The following ARID1A variants were observed in gnomAD, a reference collection of about 807,000 sequenced individuals.
ARID1A encodes the protein AT-rich interaction domain 1A, also known as AT-rich interactive domain-containing protein 1A.
Under a neutral mutation model 212.6 loss-of-function variants are expected in ARID1A, and 20 were observed. The ratio of observed to expected loss-of-function variants is 0.09; its 90% CI spans 0.07 to 0.14. The LOEUF is 0.14. Ranked by LOEUF, ARID1A falls within the 10% of genes least tolerant of loss-of-function variation. The pLI is 1.00. For missense variants in ARID1A, 2,587 were observed against 3,059.0 expected, an observed-to-expected ratio of 0.85 and a Z score of 3.64; for synonymous variants, 1,376 against 1,222.1, an observed-to-expected ratio of 1.13 and a Z score of -2.63.
Position 26,735,168 on chromosome 1 carries a change from C to A in ARID1A, c.1920+2376C>A, listed in dbSNP as rs146331999. Among the ~76,000 whole-genome samples the A allele has an allele frequency of 7.9e-3, 1,193 of 150,740 alleles. 13 individuals carry two copies. The highest frequency in any genetic ancestry group is 0.012 in the Non-Finnish European group (828 of 67,786). On this transcript the variant is annotated intron_variant, in intron 4 of 19. Coordinates refer to ENST00000324856, the MANE Select transcript of ARID1A (RefSeq NM_006015.6). ...GAGAGAGTTTCACACTCTTGTTGCCCAGGCTGGAGTGCAATGGCACGATCT... is the reference window on the plus strand; with the variant it reads ...GAGAGAGTTTCACACTCTTGTTGCCAAGGCTGGAGTGCAATGGCACGATCT...
chr1:26,739,744 G>C (rs1438014051), intron 4 of ARID1A, among the ~76,000 whole-genome samples: 2 of 152,150 alleles, frequency 1.3e-5, no homozygotes, highest in African/African-American at 4.8e-5. Flanking sequence ...GCTCTATGGT[G>C]CTCATCACTG....
At chr1:26,742,025 T>G (rs565287330) in intron 4 of ARID1A, among the ~76,000 whole-genome samples, 47 of 152,272 alleles carry the variant, frequency 3.1e-4, no homozygotes, top group African/African-American at 9.9e-4. Flanking sequence ...CCCACTCCTG[T>G]TTTACATATG....
chr1:26,760,710 A>G (rs2124052470), intron 4 of ARID1A, 146 bp from the exon 5 acceptor site: 1 of 849,516 alleles, frequency 1.2e-6, no homozygotes, highest in Non-Finnish European at 1.6e-6. Flanking sequence ...TTTTTTTTTA[A>G]TAAAAATAGT....
chr1:26,697,010 C>T lies in ARID1A; in HGVS notation c.607C>T (p.His203Tyr), dbSNP rs1251950978. Residue 203 changes from histidine (H) to tyrosine (Y), a missense_variant, in exon 1 of 20, where the codon CAC becomes TAC. Coordinates refer to ENST00000324856, the MANE Select transcript of ARID1A (RefSeq NM_006015.6). Reference protein sequence around the residue: ...EPYAGPQQNSHDHGFPNHQYN... With the variant: ...EPYAGPQQNSYDHGFPNHQYN... ...CTACGCGGGGCCCCAGCAGAACTCTCACGACCACGGCTTCCCCAACCACCA... is the reference window on the plus strand; with the variant it reads ...CTACGCGGGGCCCCAGCAGAACTCTTACGACCACGGCTTCCCCAACCACCA... 3.3e-6 allele frequency: 5 copies of T among 1,532,580 alleles called. No homozygotes were observed. Among genetic ancestry groups the T allele is most frequent in the Non-Finnish European group, 3.5e-6 (4 of 1,143,520 alleles). 94.9% of individuals were successfully genotyped at this position (1,532,580 alleles called of 1,614,324 possible).
intron 12 of ARID1A, 112 bp from the exon 13 acceptor site, chr1:26,772,388 A>C: frequency 2.7e-6 from 4 of 1,481,980 alleles, no homozygotes; most frequent in Non-Finnish European, 3.7e-6. Context: ...ATCAGGCTTT[A>C]AAGGCCTTAG....
rs764212710 is a variant in ARID1A, at chr1:26,774,838, G to T, written c.4611G>T (p.Gln1537His). 5 of 1,611,040 alleles carry T rather than the reference G, an allele frequency of 3.1e-6. No individual in the cohort carries two copies. In the African/African-American group the frequency reaches 5.3e-5, roughly 17 times the overall value. ...CAGATGAAATGCTGCACACAGATCA[G>T]AGGGCCAACCACGAAGGCTCGTGGC... ...NRTDEMLHTD[Q>H]RANHEGSWPS... Residue 1537 changes from glutamine (Q) to histidine (H), a missense_variant, in exon 18 of 20, where the codon CAG becomes CAT. Around this residue, in one of 11 missense-constraint regions of ARID1A, gnomAD observed 890 missense variants for 1,098.2 expected, o/e 0.81. Coordinates refer to ENST00000324856, the MANE Select transcript of ARID1A (RefSeq NM_006015.6). This position sits in a 1 kb window ranked among gnomAD's most constrained non-coding sequence, Gnocchi z 5.6.
intron 1 of ARID1A, among the ~76,000 whole-genome samples, chr1:26,718,453 AC>A (rs2080525650): frequency 6.6e-6 from 1 of 151,682 alleles, no homozygotes; most frequent in South Asian, 2.1e-4. Context: ...ATCTTCCAAG[AC>A]CCCCAGTGGG....
At chr1:26,743,360 T>C (rs2080806690) in intron 4 of ARID1A, among the ~76,000 whole-genome samples, 1 of 152,164 alleles carries the variant, frequency 6.6e-6, no homozygotes, top group South Asian at 2.1e-4. Flanking sequence ...AGCCTTATGC[T>C]GGTACCTCTG....
intron 1 of ARID1A, among the ~76,000 whole-genome samples, chr1:26,727,476 G>A (rs1419179935): frequency 3.3e-5 from 5 of 152,202 alleles, no homozygotes; most frequent in Non-Finnish European, 5.9e-5. Context: ...ACCCATCACA[G>A]AAAATGTTAT....
chr1:26,762,016 T>C lies in ARID1A; in HGVS notation c.2252-136T>C. On this transcript the variant is annotated intron_variant, in intron 6 of 19. Transcript: ENST00000324856. Reference sequence around the variant, plus strand: ...AGGTGCCTAAAATGACACACCACTATATAGAAAATCAGATAGAGACTCCAT... The same window carrying C: ...AGGTGCCTAAAATGACACACCACTACATAGAAAATCAGATAGAGACTCCAT... 6 of 997,750 alleles carry C rather than the reference T, an allele frequency of 6.0e-6. No individual in the cohort carries two copies. In the South Asian group the frequency reaches 7.4e-5, roughly 12 times the overall value. 61.8% of individuals were successfully genotyped at this position (997,750 alleles called of 1,614,324 possible). A position where few individuals can be genotyped will look rare whatever the true frequency, so the allele number is the denominator to read the frequency against.
chr1:26,704,163 C>A (rs1032629278), intron 1 of ARID1A, among the ~76,000 whole-genome samples: 4 of 152,172 alleles, frequency 2.6e-5, no homozygotes, highest in Admixed American at 1.3e-4. Flanking sequence ...TGGACTCTAA[C>A]CATAAAACTC....
rs2124067707 is a variant in ARID1A, at chr1:26,762,991, C to G, written c.2438C>G (p.Pro813Arg). 6.3e-7 allele frequency: 1 copy of G among 1,587,992 alleles called. No individual in the cohort carries two copies. Among genetic ancestry groups the G allele is most frequent in the Non-Finnish European group, 8.6e-7 (1 of 1,159,074 alleles). The change falls in exon 8 of 20, where the codon CCA becomes CGA. Residue 813 changes from proline (P) to arginine (R), a missense_variant. Physicochemically the swap from Pro to Arg is moderately radical, Grantham distance 103. Around this residue, in one of 11 missense-constraint regions of ARID1A, gnomAD observed 674 missense variants for 813.4 expected, o/e 0.83. Transcript: ENST00000324856. ...YGPQGGYPRQ[P>R]NYNALPNANY... ...CTCCCAGGTGGCTACCCCAGGCAGC[C>G]AAACTATAATGCCTTGCCCAATGCC...
At chr1:26,716,395 A>C (rs192956590) in intron 1 of ARID1A, among the ~76,000 whole-genome samples, 8 of 152,148 alleles carry the variant, frequency 5.3e-5, no homozygotes, top group African/African-American at 1.4e-4. Context: ...GATAAGCACA[A>C]ATAACTGTAG....
rs866177135 is a variant in ARID1A, at chr1:26,782,001, C to T, written c.*1245C>T. On this transcript the variant is annotated 3_prime_UTR_variant, in exon 20 of 20. Coordinates refer to ENST00000324856, the MANE Select transcript of ARID1A (RefSeq NM_006015.6). ...TAGCTAAAACTTGATGTAAATTCCTCCTTTTTTTCCTTTTTTGGCTTAATG... is the reference window on the plus strand; with the variant it reads ...TAGCTAAAACTTGATGTAAATTCCTTCTTTTTTTCCTTTTTTGGCTTAATG... The T allele has an allele frequency of 4.3e-6, 1 of 233,136 alleles. No homozygotes were observed. Among genetic ancestry groups the T allele is most frequent in the East Asian group, 6.1e-5 (1 of 16,450 alleles). The allele number at this position is 233,136 out of a possible 1,614,324, so 14.4% of individuals were successfully genotyped here.
rs1358217565 is a variant in ARID1A, at chr1:26,773,503, A to T, written c.3866+7A>T. The T allele has an allele frequency of 3.1e-6, 5 of 1,612,684 alleles. No individual in the cohort carries two copies. In the Admixed American group the frequency reaches 6.7e-5, roughly 22 times the overall value. On this transcript the variant is annotated splice_region_variant and intron_variant, in intron 15 of 19. Coordinates refer to ENST00000324856, the MANE Select transcript of ARID1A (RefSeq NM_006015.6). The stretch of plus-strand genomic sequence containing the variant: ...GTCCTTATGACAGAGTGAGGTAAGC[A>T]TGACCCCAGCTCCTGTCCACTCCCC...
At chr1:26,776,536 G>A (rs2081138020) in intron 19 of ARID1A, among the ~76,000 whole-genome samples, 2 of 152,264 alleles carry the variant, frequency 1.3e-5, no homozygotes, top group Admixed American at 1.3e-4. Context: ...GCCTCCCAAA[G>A]TGCTGGGATT....
Position 26,731,509 on chromosome 1 carries a change from C to T in ARID1A, c.1708C>T (p.Pro570Ser), listed in dbSNP as rs752518436. The change falls in exon 3 of 20, where the codon CCC becomes TCC. Residue 570 changes from proline to serine, a missense_variant. This residue lies in a region of ARID1A where 674 missense variants were observed against 813.4 expected (regional missense o/e 0.83). Transcript: ENST00000324856. ...YQQQQPQQPA[P>S]STLSQQAAYP... ...GCAGCAGCAACCTCAGCAGCCAGCA[C>T]CCTCGACGCTCTCCCAGCAGGCTGC... 1.9e-6 allele frequency: 3 copies of T among 1,613,886 alleles called. No individual in the cohort carries two copies. The highest frequency in any genetic ancestry group is 1.3e-5 in the African/African-American group (1 of 74,852).
chr1:26,775,503 C>T, intron 18 of ARID1A, 74 bp from the exon 19 acceptor site: 1 of 1,588,500 alleles, frequency 6.3e-7, no homozygotes, highest in Non-Finnish European at 8.6e-7. Context: ...AGTAGCTTCA[C>T]TGATGGGGCA....
intron 4 of ARID1A, among the ~76,000 whole-genome samples, chr1:26,736,127 A>G (rs2080727163): frequency 6.6e-6 from 1 of 151,714 alleles, no homozygotes; most frequent in Non-Finnish European, 1.5e-5. Context: ...GATCGAGACC[A>G]TCCTGGCAAC....
Sources: gnomAD v4.1 joint callset for allele counts (sites outside exome capture counted in the v4.1 genomes callset) on GRCh38, gnomAD v4.1.1 for gene constraint, gnomAD v4.1.1 regional missense constraint, Gnocchi (gnomAD v3.1) non-coding constraint, MANE v1.5 for transcripts, NCBI Gene and HGNC (gene_info 2026-07-23, HGNC 2026-07-21) for gene names.